PIEZO1: variants seen among roughly 807,000 people sequenced by gnomAD.
The protein encoded by PIEZO1 is piezo type mechanosensitive ion channel component 1 (Er blood group), also known as piezo-type mechanosensitive ion channel component 1.
A neutral mutation model predicts 297.2 loss-of-function variants in PIEZO1; 296 were observed. That is an observed-to-expected ratio of 1.00 (90% CI 0.91 to 1.10). The LOEUF (loss-of-function observed/expected upper bound fraction) is 1.10. Ranked by LOEUF, PIEZO1 falls within the 50% of genes least tolerant of loss-of-function variation. The pLI is 0.00. For missense variants in PIEZO1, 5,018 were observed against 3,455.5 expected (o/e 1.45, Z -11.34); for synonymous variants, 2,427 against 1,507.5 (o/e 1.61, Z -14.13).
intron 29 of PIEZO1, 68 bp from the exon 30 acceptor site, chr16:88,725,148 T>C: frequency 1.8e-6 from 2 of 1,138,774 alleles, no homozygotes; most frequent in African/African-American, 3.2e-5. Context: ...CTGTGAGTGC[T>C]CCCGTCTTGG....
At chr16:88,718,918 A>T (rs187682361) in intron 44 of PIEZO1, 1 of 154,362 alleles carries the variant, frequency 6.5e-6, no homozygotes. Context: ...TATGTTGCCC[A>T]GGCTGGTCTT....
At chr16:88,775,333 G>A (rs551722724) in intron 1 of PIEZO1, among the ~76,000 whole-genome samples, 8 of 152,340 alleles carry the variant, frequency 5.3e-5, no homozygotes, top group African/African-American at 1.9e-4. Context: ...GAATGCCATG[G>A]CCACCCACAC....
intron 2 of PIEZO1, among the ~76,000 whole-genome samples, chr16:88,747,525 A>G (rs1246725002): frequency 6.6e-6 from 1 of 152,188 alleles, no homozygotes; most frequent in Non-Finnish European, 1.5e-5. Context: ...CAAAAAAAAT[A>G]AATAAAAAAG....
chr16:88,725,028 G>C lies in PIEZO1; in HGVS notation c.4215C>G (p.Pro1405=), dbSNP rs893215103. The C allele has an allele frequency of 8.7e-6, 13 of 1,497,256 alleles. No homozygotes were observed. The African/African-American group carries it at 1.1e-4, about 13-fold the overall frequency. The allele number at this position is 1,497,256 out of a possible 1,614,324, so 92.7% of individuals were successfully genotyped here. Residue 1405 remains proline, a synonymous_variant, in exon 30 of 51, where the codon CCC becomes CCG. Transcript: ENST00000301015. ...SSPPRRQWWR[P]WLDHATVIHS... ...GGGTACCTGTGGCGTGGTCCAGCCA[G>C]GGCCGCCACCACTGCCTCCGTGGCG...
rs78905828 is a variant in PIEZO1, at chr16:88,736,165, G to A, written c.1540C>T (p.Leu514=). The change falls in exon 12 of 51, where the codon CTG becomes TTG. Residue 514 remains leucine (L), a synonymous_variant. Transcript: ENST00000301015. ...LGLEHTRYPC[L]DLGAMLLYTL... Reference sequence around the variant, plus strand: ...ACACTCACCATGGCACCAAGGTCCAGACAGGGGTAGCGGGTGTGCTCCAGC... The same window carrying A: ...ACACTCACCATGGCACCAAGGTCCAAACAGGGGTAGCGGGTGTGCTCCAGC... 0.12 allele frequency: 188,592 copies of A among 1,547,092 alleles called. 12,923 individuals are homozygous for A. Among genetic ancestry groups the A allele is most frequent in the Non-Finnish European group, 0.14 (161,588 of 1,145,382 alleles).
intron 44 of PIEZO1, chr16:88,717,802 A>G (rs1196988926): frequency 2.2e-6 from 1 of 450,304 alleles, no homozygotes; most frequent in Admixed American, 2.4e-5. Context: ...ATTTCTAGCC[A>G]ATGTATCTGC....
chr16:88,727,070 G>A lies in PIEZO1; in HGVS notation c.3424C>T (p.Pro1142Ser), dbSNP rs1174557684. The A allele has an allele frequency of 1.9e-6, 3 of 1,549,494 alleles. No individual in the cohort carries two copies. Among genetic ancestry groups the A allele is most frequent in the Non-Finnish European group, 2.6e-6 (3 of 1,146,314 alleles). The change falls in exon 24 of 51, where the codon CCC becomes TCC. Residue 1142 changes from proline (P) to serine (S), a missense_variant. Transcript: ENST00000301015. Reference protein sequence around the residue: ...TDRLEPLRGEPNPVPNFIHCR... With the variant: ...TDRLEPLRGESNPVPNFIHCR... ...TGGATAAAGTTGGGCACGGGGTTGGGCTCCCCCCGCAGCGGCTCCAGGCGG... is the reference window on the plus strand; with the variant it reads ...TGGATAAAGTTGGGCACGGGGTTGGACTCCCCCCGCAGCGGCTCCAGGCGG...
At chr16:88,749,250 A>C (rs1906254906) in intron 2 of PIEZO1, 134 bp downstream of exon 2, 5 of 585,324 alleles carry the variant, frequency 8.5e-6, no homozygotes, top group Non-Finnish European at 1.4e-5. Flanking sequence ...AAAAAAAAAA[A>C]AAAATTTTAT....
At chr16:88,774,207 G>A (rs550062036) in intron 1 of PIEZO1, among the ~76,000 whole-genome samples, 4 of 152,292 alleles carry the variant, frequency 2.6e-5, no homozygotes, top group Admixed American at 6.5e-5. Flanking sequence ...GCGACGCCCA[G>A]TGACTCCCTG....
chr16:88,739,086 C>G (rs1456904104), intron 5 of PIEZO1: 1 of 266,974 alleles, frequency 3.7e-6, no homozygotes, highest in African/African-American at 2.2e-5. Context: ...AACCACGCAC[C>G]CAGGGAGCAG....
In PIEZO1 at chr16:88,716,068, C is replaced by A; in HGVS notation, c.7181G>T (p.Gly2394Val). The A allele has an allele frequency of 6.5e-7, 1 of 1,550,040 alleles. No homozygotes were observed. The highest frequency in any genetic ancestry group is 1.2e-5 in the South Asian group (1 of 84,026). Residue 2394 changes from glycine to valine, a missense_variant, in exon 50 of 51, where the codon GGT becomes GTT. Physicochemically the swap from Gly to Val is moderately radical, Grantham distance 109. Transcript: ENST00000301015. ...TTCGAGGAAGCCGGTGGCCCCCGCA[C>A]CCTGCTCCCTCCGCAGCTGGATACG... Reference protein sequence around the residue: ...GVRIQLRREQGAGATGFLEWW... With the variant: ...GVRIQLRREQVAGATGFLEWW...
chr16:88,767,964 C>T (rs1478119196), intron 1 of PIEZO1, among the ~76,000 whole-genome samples: 4 of 152,228 alleles, frequency 2.6e-5, no homozygotes, highest in Non-Finnish European at 5.9e-5. Context: ...CTCCCGCTCC[C>T]TCCCCCGGGT....
At position 88,785,206 on chromosome 16, in the gene PIEZO1, C is replaced by G. The variant is rs1004219191; in HGVS notation, c.-242G>C. ...TCGGCTCACTGGGGCCGAGCTGGGC[C>G]GGACGGCGGCTCCCGCCCTCCTCCG... On this transcript the variant is annotated 5_prime_UTR_variant, in exon 1 of 51. Transcript: ENST00000301015. The G allele has an allele frequency of 1.2e-5, 3 of 241,418 alleles. No homozygotes were observed. Among genetic ancestry groups the G allele is most frequent in the Non-Finnish European group, 2.4e-5 (3 of 127,088 alleles). The allele number at this position is 241,418 out of a possible 1,614,324, so 15.0% of individuals were successfully genotyped here. A position where few individuals can be genotyped will look rare whatever the true frequency, so the allele number is the denominator to read the frequency against.
rs1265564506 is a variant in PIEZO1 at position 88,716,118 on chromosome 16, A to C, written c.7131T>G (p.Asn2377Lys). 6.5e-6 allele frequency: 10 copies of C among 1,542,928 alleles called. No individual in the cohort carries two copies. The South Asian group carries it at 9.6e-5, about 15-fold the overall frequency. ...EANPVKQLQP[N>K]EEADYLGVRI... The stretch of plus-strand genomic sequence containing the variant: ...GCACGCCGAGGTAGTCGGCCTCCTC[A>C]TCTGGGATGGAGGGAGAAGATCGTT... The change falls in exon 50 of 51, where the codon AAT becomes AAG. Residue 2377 changes from asparagine to lysine, a missense_variant and splice_region_variant. Asn to Lys is a moderately conservative substitution (Grantham distance 94). Transcript: ENST00000301015.
chr16:88,742,357 C>A lies in PIEZO1; in HGVS notation c.226G>T (p.Ala76Ser). The change falls in exon 3 of 51, where the codon GCC (alanine) becomes TCC (serine). Residue 76 changes from alanine (A) to serine (S), a missense_variant. Ala to Ser is a moderately conservative substitution (Grantham distance 99, BLOSUM62 1). Transcript: ENST00000301015. ...ACAATATGCAGGCAGATCTGGAGGGCGAGATGGGCCACCAGGAAGAGCAGG... is the reference window on the plus strand; with the variant it reads ...ACAATATGCAGGCAGATCTGGAGGGAGAGATGGGCCACCAGGAAGAGCAGG... ...LSLLFLVAHL[A>S]LQICLHIVPR... The A allele has an allele frequency of 6.5e-7, 1 of 1,535,336 alleles. No homozygotes were observed. Among genetic ancestry groups the A allele is most frequent in the Non-Finnish European group, 8.7e-7 (1 of 1,146,558 alleles).
rs1906790138 is a variant in PIEZO1, at chr16:88,758,753, CCT to C, written c.65-9276_65-9275del. Among the ~76,000 whole-genome samples the C allele has an allele frequency of 5.9e-5, 9 of 152,356 alleles. 1 individual carries two copies. The South Asian group carries it at 1.9e-3, about 32-fold the overall frequency. ...AGATGACCACAGATGAGCCCAATCT[CCT>C]CTGTCTTAGTTTGTTCGTCTATAAA... On this transcript the variant is annotated intron_variant, in intron 1 of 50. Transcript: ENST00000301015.
rs555582997 is a variant in PIEZO1, at chr16:88,726,894, C to T, written c.3520G>A (p.Val1174Met). 93 of 1,550,392 alleles carry T rather than the reference C, an allele frequency of 6.0e-5. 2 individuals carry two copies. In the South Asian group the frequency reaches 1.0e-3, roughly 17 times the overall value. ...RYLFWLVLVVVFVTGATRISI... is the reference protein window; with the variant it reads ...RYLFWLVLVVMFVTGATRISI... ...ATGCGGGTGGCCCCCGTGACAAACA[C>T]CACCACCAGCACCAGCCAGAACAGG... Residue 1174 changes from valine (V) to methionine (M), a missense_variant, in exon 25 of 51, where the codon GTG (valine) becomes ATG (methionine). Val to Met is a conservative substitution (Grantham distance 21, BLOSUM62 1). Transcript: ENST00000301015.
rs920470514 is a variant in PIEZO1 at position 88,735,235 on chromosome 16, G to A, written c.1569C>T (p.Thr523=). The change falls in exon 13 of 51, where the codon ACC becomes ACT. Residue 523 remains threonine (T), a synonymous_variant. Transcript: ENST00000301015. ...CLDLGAMLLY[T]LTFWLLLRQF... is the part of the protein sequence containing the mutation. ...GGCGCAGCAGGAGCCAGAAGGTCAGGGTGTAGAGCAACTGTGACAAGCGCA... is the reference window on the plus strand; with the variant it reads ...GGCGCAGCAGGAGCCAGAAGGTCAGAGTGTAGAGCAACTGTGACAAGCGCA... 2 of 1,549,772 alleles carry A rather than the reference G, an allele frequency of 1.3e-6. No individual in the cohort carries two copies. Among genetic ancestry groups the A allele is most frequent in the African/African-American group, 2.7e-5 (2 of 73,040 alleles).
chr16:88,736,747 T>C lies in PIEZO1; in HGVS notation c.1196-8A>G. On this transcript the variant is annotated splice_region_variant and splice_polypyrimidine_tract_variant and intron_variant, in intron 10 of 50. Coordinates refer to ENST00000301015, the MANE Select transcript of PIEZO1 (RefSeq NM_001142864.4). ...CAGCCCGCTTGGGCCGCACTGCAGGTGGGGACAGCGGTCAGCTTCGGCAGG... is the reference window on the plus strand; with the variant it reads ...CAGCCCGCTTGGGCCGCACTGCAGGCGGGGACAGCGGTCAGCTTCGGCAGG... 1 of 1,510,034 alleles carries C rather than the reference T, an allele frequency of 6.6e-7. No individual in the cohort carries two copies. The highest frequency in any genetic ancestry group is 2.5e-5 in the East Asian group (1 of 40,420). The allele number at this position is 1,510,034 out of a possible 1,614,324, so 93.5% of individuals were successfully genotyped here.
Sources: gnomAD v4.1 joint callset for allele counts (sites outside exome capture counted in the v4.1 genomes callset) on GRCh38, gnomAD v4.1.1 for gene constraint, MANE v1.5 for transcripts, NCBI Gene and HGNC (gene_info 2026-07-23, HGNC 2026-07-21) for gene names.